The following PTPDC1 variants were observed in gnomAD, a reference collection of about 807,000 sequenced individuals.
PTPDC1 encodes protein tyrosine phosphatase domain containing 1.
Under a neutral mutation model 75.3 loss-of-function variants are expected in PTPDC1, and 53 were observed. The ratio of observed to expected loss-of-function variants is 0.70; its 90% confidence interval spans 0.56 to 0.88. The LOEUF (loss-of-function observed/expected upper bound fraction) is 0.88, where lower values mean the gene tolerates loss of function less well. Ranked by LOEUF, PTPDC1 falls within the 40% of genes least tolerant of loss-of-function variation. The pLI, the probability that PTPDC1 is intolerant of heterozygous loss-of-function variation, is 0.00. For missense variants in PTPDC1, 925 were observed against 998.6 expected (o/e 0.93, Z 0.99); for synonymous variants, 349 against 366.2 (o/e 0.95, Z 0.54).
At chr9:94,047,627 G>A (rs1232397994) in intron 1 of PTPDC1, among the ~76,000 whole-genome samples, 2 of 152,124 alleles carry the variant, frequency 1.3e-5, no homozygotes, top group Non-Finnish European at 2.9e-5. Flanking sequence ...ATGAATCCAG[G>A]AGCTGGTTTT....
Position 94,101,735 on chromosome 9 carries a change from T to C in PTPDC1, c.2183T>C (p.Leu728Pro). The change falls in exon 7 of 9, where the codon CTT becomes CCT. Residue 728 changes from leucine (L) to proline (P), a missense_variant. By Grantham distance (98) the Leu-to-Pro change is moderately conservative. Transcript: ENST00000620992. ...VDRRADAAEA[L>P]FLLEKGQHQT... ...AGGCGAGCAGATGCCGCAGAAGCAC[T>C]TTTTTTATTAGAGAAGGTAAAGTGG... The C allele has an allele frequency of 3.1e-6, 5 of 1,606,500 alleles. No homozygotes were observed. Among genetic ancestry groups the C allele is most frequent in the Non-Finnish European group, 4.3e-6 (5 of 1,175,132 alleles).
At position 94,101,731 on chromosome 9, in the gene PTPDC1, G is replaced by C. The variant is rs781036674; in HGVS notation, c.2179G>C (p.Ala727Pro). 4 of 1,610,556 alleles carry C rather than the reference G, an allele frequency of 2.5e-6. No homozygotes were observed. The highest frequency in any genetic ancestry group is 3.4e-6 in the Non-Finnish European group (4 of 1,178,056). The change falls in exon 7 of 9, where the codon GCA becomes CCA. Residue 727 changes from alanine to proline, a missense_variant. Physicochemically the swap from Ala to Pro is conservative, Grantham distance 27. Coordinates refer to ENST00000620992, the MANE Select transcript of PTPDC1 (RefSeq NM_001253829.2). ...LVDRRADAAE[A>P]LFLLEKGQHQ... is the part of the protein sequence containing the mutation. ...TGACAGGCGAGCAGATGCCGCAGAA[G>C]CACTTTTTTTATTAGAGAAGGTAAA...
At chr9:94,092,698 A>G (rs1827374467) in intron 4 of PTPDC1, among the ~76,000 whole-genome samples, 1 of 146,954 alleles carries the variant, frequency 6.8e-6, no homozygotes. Context: ...AAAGTCTCCC[A>G]TTATTAATGT....
At position 94,101,572 on chromosome 9, in the gene PTPDC1, C is replaced by T. The variant is rs965551375; in HGVS notation, c.2020C>T (p.Leu674Phe). 1 of 1,612,022 alleles carries T rather than the reference C, an allele frequency of 6.2e-7. No homozygotes were observed. The highest frequency in any genetic ancestry group is 2.2e-5 in the East Asian group (1 of 44,850). ...KRKVEMWQKE[L>F]NSRDGAWERI... ...TCTTTCTCTTCCTTTTTAGAAAGAG[C>T]TTAATTCCCGAGATGGAGCTTGGGA... is the stretch of plus-strand genomic sequence containing the variant. The change falls in exon 7 of 9, where the codon CTT becomes TTT. Residue 674 changes from leucine (L) to phenylalanine (F), a missense_variant. By Grantham distance (22) the Leu-to-Phe change is conservative. Coordinates refer to ENST00000620992, the MANE Select transcript of PTPDC1 (RefSeq NM_001253829.2).
chr9:94,051,146 C>G (rs950371361), intron 1 of PTPDC1, among the ~76,000 whole-genome samples: 9 of 152,330 alleles, frequency 5.9e-5, no homozygotes, highest in East Asian at 5.8e-4. Context: ...AATTCCCTGA[C>G]CCCTTGCACT....
At chr9:94,088,400 A>G in intron 4 of PTPDC1, 137 bp downstream of exon 4, 1 of 1,030,732 alleles carries the variant, frequency 9.7e-7, no homozygotes, top group South Asian at 1.8e-5. Context: ...AAAATGAGCT[A>G]CCATTCTCTT....
intron 1 of PTPDC1, among the ~76,000 whole-genome samples, chr9:94,036,501 A>G (rs1359654987): frequency 6.6e-6 from 1 of 152,118 alleles, no homozygotes; most frequent in Non-Finnish European, 1.5e-5. Flanking sequence ...TATTGAACAT[A>G]TATGCGTGGG....
At chr9:94,084,373 C>T, upstream of PTPDC1, 1 of 1,188,486 alleles carries the variant, frequency 8.4e-7, no homozygotes, top group Non-Finnish European at 1.1e-6. Context: ...AAGTGGGAAT[C>T]AGTAGTTTCT....
At position 94,101,688 on chromosome 9, in the gene PTPDC1, G is replaced by C; in HGVS notation, c.2136G>C (p.Glu712Asp). 7 of 1,613,584 alleles carry C rather than the reference G, an allele frequency of 4.3e-6. No homozygotes were observed. The highest frequency in any genetic ancestry group is 1.7e-4 in the Middle Eastern group (1 of 6,058). Residue 712 changes from glutamate (E) to aspartate (D), a missense_variant, in exon 7 of 9, where the codon GAG becomes GAC. Transcript: ENST00000620992. ...EQLKEPVITK[E>D]DVDMLVDRRA... ...TGAAGGAGCCTGTAATCACCAAAGA[G>C]GATGTGGACATGTTGGTTGACAGGC...
At chr9:94,043,165 A>G (rs1264663169) in intron 1 of PTPDC1, among the ~76,000 whole-genome samples, 3 of 152,212 alleles carry the variant, frequency 2.0e-5, no homozygotes, top group Non-Finnish European at 2.9e-5. Context: ...ACCTCCTCCC[A>G]TGAATTGCAA....
intron 1 of PTPDC1, among the ~76,000 whole-genome samples, chr9:94,061,406 A>T (rs1296261536): frequency 6.6e-6 from 1 of 152,230 alleles, no homozygotes. Flanking sequence ...TCTGGAAGAC[A>T]GTGGCCTTCT....
chr9:94,095,580 G>A (rs1407194532), intron 5 of PTPDC1, 126 bp downstream of exon 5: 8 of 730,698 alleles, frequency 1.1e-5, no homozygotes, highest in Admixed American at 5.4e-5. Flanking sequence ...TGGAAGAAGG[G>A]AATAAGTTCT....
chr9:94,080,442 A>G (rs1826840260), upstream of PTPDC1, among the ~76,000 whole-genome samples: 1 of 152,204 alleles, frequency 6.6e-6, no homozygotes, highest in Non-Finnish European at 1.5e-5. Context: ...ATAGATGTAA[A>G]GTGTGATAAT....
At chr9:94,065,501 C>T (rs552230926) in intron 2 of PTPDC1, among the ~76,000 whole-genome samples, 6 of 152,322 alleles carry the variant, frequency 3.9e-5, no homozygotes, top group Admixed American at 6.5e-5. Context: ...GGATTTCTCC[C>T]CTAAGTATGG....
rs1827701886 is a variant in PTPDC1 at position 94,098,442 on chromosome 9, T to C, written c.1876T>C (p.Ser626Pro). The change falls in exon 6 of 9, where the codon TCT becomes CCT. Residue 626 changes from serine (S) to proline (P), a missense_variant. Coordinates refer to ENST00000620992, the MANE Select transcript of PTPDC1 (RefSeq NM_001253829.2). ...TGAAACCCAGGACAGTAAAGATCTGTCTGAAGCAGCTTCACACTCTGCATT... is the reference window on the plus strand; with the variant it reads ...TGAAACCCAGGACAGTAAAGATCTGCCTGAAGCAGCTTCACACTCTGCATT... ...EHETQDSKDL[S>P]EAASHSALQS... The C allele has an allele frequency of 1.2e-6, 2 of 1,614,146 alleles. No homozygotes were observed. Among genetic ancestry groups the C allele is most frequent in the Non-Finnish European group, 1.7e-6 (2 of 1,180,020 alleles).
intron 1 of PTPDC1, among the ~76,000 whole-genome samples, chr9:94,062,702 A>G (rs912447274): frequency 6.6e-6 from 1 of 152,170 alleles, no homozygotes; most frequent in Non-Finnish European, 1.5e-5. Context: ...GAGATGATGC[A>G]AAACCATTCA....
intron 1 of PTPDC1, among the ~76,000 whole-genome samples, chr9:94,062,108 A>G (rs1826160988): frequency 6.6e-6 from 1 of 152,150 alleles, no homozygotes; most frequent in Admixed American, 6.5e-5. Context: ...GACTTCTTGA[A>G]TGTTTTGCTG....
intron 1 of PTPDC1, among the ~76,000 whole-genome samples, chr9:94,048,220 T>C (rs566232801): frequency 6.6e-6 from 1 of 152,240 alleles, no homozygotes; most frequent in Non-Finnish European, 1.5e-5. Flanking sequence ...TCTGCTCTGA[T>C]CTTAGTTATT....
intron 1 of PTPDC1, among the ~76,000 whole-genome samples, chr9:94,054,993 A>G (rs939545607): frequency 1.3e-5 from 2 of 152,344 alleles, no homozygotes; most frequent in Admixed American, 1.3e-4. Flanking sequence ...CCTTATAAAA[A>G]GCCAATTGTC....
Sources: allele counts gnomAD v4.1 joint callset (sites outside exome capture counted in the v4.1 genomes callset), GRCh38; gene constraint gnomAD v4.1.1; transcripts MANE v1.5; gene names NCBI Gene and HGNC (gene_info 2026-07-23, HGNC 2026-07-21).